RB1CC1: variants seen among roughly 807,000 people sequenced by gnomAD.
RB1CC1 encodes RB1 inducible coiled-coil 1.
A neutral mutation model predicts 177.5 loss-of-function variants in RB1CC1; 46 were observed. That is an observed-to-expected ratio of 0.26 (90% CI 0.20 to 0.33). The LOEUF (loss-of-function observed/expected upper bound fraction) is 0.33, where lower values mean the gene tolerates loss of function less well. Among genes scored for constraint, RB1CC1 ranks in the 10% least tolerant of loss-of-function variants. The pLI is 1.00. For missense variants in RB1CC1, 1,703 were observed against 1,816.3 expected (o/e 0.94, Z 1.13); for synonymous variants, 666 against 613.6 (o/e 1.09, Z -1.26).
intron 1 of RB1CC1, among the ~76,000 whole-genome samples, chr8:52,707,856 G>A (rs1856717391): frequency 6.6e-6 from 1 of 152,082 alleles, no homozygotes; most frequent in South Asian, 2.1e-4. Flanking sequence ...CATAAAAATG[G>A]CAGACTTAGG....
intron 18 of RB1CC1, among the ~76,000 whole-genome samples, chr8:52,641,070 C>T (rs1401455821): frequency 2.0e-5 from 3 of 151,946 alleles, no homozygotes; most frequent in African/African-American, 7.3e-5. Flanking sequence ...TGTACCACAC[C>T]TTCTCACGGG....
At chr8:52,671,317 A>G (rs1852574058) in intron 7 of RB1CC1, among the ~76,000 whole-genome samples, 1 of 152,246 alleles carries the variant, frequency 6.6e-6, no homozygotes, top group African/African-American at 2.4e-5. Flanking sequence ...TTAATCTGCA[A>G]AAACGATAGA....
At position 52,670,637 on chromosome 8, in the gene RB1CC1, G is replaced by A. The variant is rs183234385; in HGVS notation, c.1003-2446C>T. Among the ~76,000 whole-genome samples the A allele has an allele frequency of 3.2e-4, 49 of 152,242 alleles. 1 individual carries two copies. The East Asian group carries it at 5.0e-3, about 16-fold the overall frequency. On this transcript the variant is annotated intron_variant, in intron 7 of 23. Coordinates refer to ENST00000025008, the MANE Select transcript of RB1CC1 (RefSeq NM_014781.5). ...ATGCAGACACTTCCAATTATTAATC[G>A]TTAGAAACACAAATCAGTGTGCCTT... is the stretch of plus-strand genomic sequence containing the variant.
At chr8:52,642,198 T>A (rs1054393780) in intron 18 of RB1CC1, among the ~76,000 whole-genome samples, 153 bp downstream of exon 18, 8 of 152,194 alleles carry the variant, frequency 5.3e-5, no homozygotes, top group African/African-American at 1.9e-4. Flanking sequence ...TAATGTTTTC[T>A]CACACTTACA....
At chr8:52,697,594 A>C (rs545413192) in intron 1 of RB1CC1, among the ~76,000 whole-genome samples, 1 of 152,212 alleles carries the variant, frequency 6.6e-6, no homozygotes, top group African/African-American at 2.4e-5. Flanking sequence ...AGCAAAAATA[A>C]GCGAAGGAAG....
chr8:52,676,762 C>T (rs549719641), intron 5 of RB1CC1, among the ~76,000 whole-genome samples, 191 bp from the exon 6 acceptor site: 12 of 152,200 alleles, frequency 7.9e-5, no homozygotes, highest in South Asian at 4.1e-4. Flanking sequence ...GAGGTGTTTC[C>T]GAGCAGGTAT....
At chr8:52,641,878 C>T (rs1378298715) in intron 18 of RB1CC1, among the ~76,000 whole-genome samples, 1 of 152,044 alleles carries the variant, frequency 6.6e-6, no homozygotes, top group African/African-American at 2.4e-5. Flanking sequence ...CAAAGGAGAA[C>T]TGGTAAGAAA....
intron 8 of RB1CC1, among the ~76,000 whole-genome samples, chr8:52,666,452 A>C: frequency 6.6e-6 from 1 of 152,018 alleles, no homozygotes; most frequent in East Asian, 1.9e-4. Context: ...CAGGAGGCAG[A>C]CGTTGCAGTG....
chr8:52,656,090 T>C lies in RB1CC1; in HGVS notation c.3739A>G (p.Lys1247Glu), dbSNP rs370459230. Residue 1247 changes from lysine to glutamate, a missense_variant, in exon 15 of 24, where the codon AAA becomes GAA. Physicochemically the swap from Lys to Glu is moderately conservative, Grantham distance 56. This residue lies in a region of RB1CC1 where 1,169 missense variants were observed against 1,184.7 expected (regional missense o/e 0.99). Transcript: ENST00000025008. ...EKDEAIQTALKEFKLEREVVE... is the reference protein window; with the variant it reads ...EKDEAIQTALEEFKLEREVVE... ...ACTTCTCTCTCCAATTTAAATTCTT[T>C]TAGGGCAGTCTGAATAGCTTCATCT... 6 of 1,613,536 alleles carry C rather than the reference T, an allele frequency of 3.7e-6. No individual in the cohort carries two copies. In the African/African-American group the frequency reaches 8.0e-5, roughly 22 times the overall value.
intron 7 of RB1CC1, among the ~76,000 whole-genome samples, chr8:52,671,839 A>G (rs993379449): frequency 6.6e-6 from 1 of 152,166 alleles, no homozygotes; most frequent in Non-Finnish European, 1.5e-5. Context: ...AGCATCCAAT[A>G]GCTACTCCTC....
intron 1 of RB1CC1, among the ~76,000 whole-genome samples, chr8:52,697,534 T>A (rs553064192): frequency 9.2e-5 from 14 of 152,136 alleles, no homozygotes; most frequent in Non-Finnish European, 1.8e-4. Flanking sequence ...AAATGAACTC[T>A]GAAAAATTAG....
At chr8:52,632,105 T>C (rs1016093281) in intron 20 of RB1CC1, among the ~76,000 whole-genome samples, 5 of 152,206 alleles carry the variant, frequency 3.3e-5, no homozygotes, top group Admixed American at 6.5e-5. Flanking sequence ...GCTGATAAGC[T>C]ATAGCCATGG....
Position 52,623,743 on chromosome 8 carries a change from GA to G in RB1CC1, c.*38del, listed in dbSNP as rs1396484908. On this transcript the variant is annotated 3_prime_UTR_variant, in exon 24 of 24. Coordinates refer to ENST00000025008, the MANE Select transcript of RB1CC1 (RefSeq NM_014781.5). ...TGAATGAGCACTGCAGGACAAATCA[GA>G]AAAAAATGTCATAGAATGTATTAAT... 1.4e-5 allele frequency: 21 copies of G among 1,479,118 alleles called. No individual in the cohort carries two copies. The highest frequency in any genetic ancestry group is 2.0e-5 in the Non-Finnish European group (21 of 1,059,366). The allele number at this position is 1,479,118 out of a possible 1,614,324, so 91.6% of individuals were successfully genotyped here.
At chr8:52,710,295 GCCTTGTCTACA>G (rs1856940514) in intron 1 of RB1CC1, among the ~76,000 whole-genome samples, 1 of 152,044 alleles carries the variant, frequency 6.6e-6, no homozygotes, top group South Asian at 2.1e-4. Context: ...CTAAATATAC[GCCTTGTCTACA>G]AACTAGACAA....
rs553017978 is a variant in RB1CC1 at position 52,623,761 on chromosome 8, T to A, written c.*21A>T. 1.3e-6 allele frequency: 2 copies of A among 1,525,722 alleles called. No homozygotes were observed. Among genetic ancestry groups the A allele is most frequent in the African/African-American group, 1.4e-5 (1 of 72,892 alleles). The allele number at this position is 1,525,722 out of a possible 1,614,324, so 94.5% of individuals were successfully genotyped here. A position where few individuals can be genotyped will look rare whatever the true frequency, so the allele number is the denominator to read the frequency against. On this transcript the variant is annotated 3_prime_UTR_variant, in exon 24 of 24. Transcript: ENST00000025008. ...CAAATCAGAAAAAAATGTCATAGAATGTATTAATTTTGTCCATAAGTTATA... is the reference window on the plus strand; with the variant it reads ...CAAATCAGAAAAAAATGTCATAGAAAGTATTAATTTTGTCCATAAGTTATA...
intron 1 of RB1CC1, among the ~76,000 whole-genome samples, chr8:52,705,176 G>C (rs1378694150): frequency 6.6e-6 from 1 of 152,188 alleles, no homozygotes; most frequent in Non-Finnish European, 1.5e-5. Context: ...TAGGAATCAT[G>C]ATGCATTAAT....
At chr8:52,714,043 G>C (rs1188630615) in intron 1 of RB1CC1, 32 bp downstream of exon 1, 3 of 345,232 alleles carry the variant, frequency 8.7e-6, no homozygotes, top group African/African-American at 6.8e-5. Context: ...TGCCAGATGG[G>C]GGAAGGGGAC....
chr8:52,672,066 TA>T (rs1214275723), intron 7 of RB1CC1, among the ~76,000 whole-genome samples: 16 of 152,208 alleles, frequency 1.1e-4, no homozygotes, highest in Non-Finnish European at 1.9e-4. Context: ...CATTAACTTC[TA>T]AAAAGAAAAA....
chr8:52,660,704 G>A (rs2150498680), intron 11 of RB1CC1, 47 bp from the exon 12 acceptor site: 2 of 1,496,102 alleles, frequency 1.3e-6, no homozygotes, highest in East Asian at 2.3e-5. Flanking sequence ...CTTTATTTAA[G>A]GCAAAAAATT....
Sources: gnomAD v4.1 joint callset for allele counts (sites outside exome capture counted in the v4.1 genomes callset) on GRCh38, gnomAD v4.1.1 for gene constraint, gnomAD v4.1.1 regional missense constraint, MANE v1.5 for transcripts, NCBI Gene and HGNC (gene_info 2026-07-23, HGNC 2026-07-21) for gene names.